ZFPM2: variants seen among roughly 807,000 people sequenced by gnomAD.
ZFPM2 encodes the protein zinc finger protein, FOG family member 2.
In ZFPM2, 20 loss-of-function variants were observed where a neutral mutation model predicts 98.6. That is an observed-to-expected ratio of 0.20 (90% CI 0.14 to 0.29). ZFPM2 has a LOEUF of 0.29. ZFPM2 is among the 10% of genes least tolerant of loss of function. ZFPM2 has a pLI of 1.00. For synonymous variants in ZFPM2, 518 were observed against 502.7 expected (o/e 1.03, Z -0.41); for missense variants, 1,310 against 1,388.6 (o/e 0.94, Z 0.90).
chr8:105,517,372 A>T (rs1813946461), intron 3 of ZFPM2, among the ~76,000 whole-genome samples: 1 of 152,196 alleles, frequency 6.6e-6, no homozygotes, highest in African/African-American at 2.4e-5. Context: ...AAAATTCTTT[A>T]AAGTTATTTT....
intron 2 of ZFPM2, among the ~76,000 whole-genome samples, chr8:105,431,062 C>T (rs976602229): frequency 1.3e-5 from 2 of 151,984 alleles, no homozygotes; most frequent in African/African-American, 4.8e-5. Context: ...CCCCACCATG[C>T]CTGGATAATT....
chr8:105,720,145 A>G (rs1811623604), intron 5 of ZFPM2, among the ~76,000 whole-genome samples: 1 of 151,858 alleles, frequency 6.6e-6, no homozygotes, highest in Non-Finnish European at 1.5e-5. Context: ...TGCGAATTTT[A>G]CTAACCAGCA....
intron 3 of ZFPM2, among the ~76,000 whole-genome samples, chr8:105,445,779 A>AT (rs1812356288): frequency 1.3e-5 from 2 of 150,578 alleles, no homozygotes; most frequent in Non-Finnish European, 3.0e-5. Flanking sequence ...TAATTTTTAT[A>AT]TTTTTTGTAG....
chr8:105,754,944 ATATGTGTG>A (rs1812563115), intron 5 of ZFPM2, among the ~76,000 whole-genome samples: 1 of 122,324 alleles, frequency 8.2e-6, no homozygotes, highest in African/African-American at 3.7e-5. Flanking sequence ...GAGAAATTTA[ATATGTGTG>A]TGTGTGTGTG....
Position 105,581,809 on chromosome 8 carries a change from A to G in ZFPM2, c.420+20328A>G, listed in dbSNP as rs7017432. 3.7e-3 allele frequency among the ~76,000 whole-genome samples: 563 copies of G among 152,316 alleles called. 1 individual carries two copies. Among genetic ancestry groups the G allele is most frequent in the Middle Eastern group, 0.024 (7 of 294 alleles). On this transcript the variant is annotated intron_variant, in intron 4 of 7. Coordinates refer to ENST00000407775, the MANE Select transcript of ZFPM2 (RefSeq NM_012082.4). ...TGTTTTATCTCACTCAAATTTATTTAGACCCCCATCAGCCCTGCTCTTTCT... is the reference window on the plus strand; with the variant it reads ...TGTTTTATCTCACTCAAATTTATTTGGACCCCCATCAGCCCTGCTCTTTCT...
intron 1 of ZFPM2, among the ~76,000 whole-genome samples, chr8:105,382,848 G>C (rs1213221695): frequency 6.6e-6 from 1 of 152,008 alleles, no homozygotes; most frequent in Non-Finnish European, 1.5e-5. Flanking sequence ...AAGTATTAAT[G>C]GATAATATTT....
chr8:105,376,610 C>A (rs1462454637), intron 1 of ZFPM2, among the ~76,000 whole-genome samples: 1 of 152,152 alleles, frequency 6.6e-6, no homozygotes, highest in Non-Finnish European at 1.5e-5. Context: ...TCATCTCAGC[C>A]AATTTCATCA....
chr8:105,444,410 T>C (rs753576779), intron 3 of ZFPM2, 29 bp downstream of exon 3: 2 of 1,519,350 alleles, frequency 1.3e-6, no homozygotes, highest in East Asian at 2.3e-5. Context: ...AATTCAACCG[T>C]CTTTAGTACT....
chr8:105,413,506 A>G (rs1811619482), intron 1 of ZFPM2, among the ~76,000 whole-genome samples: 1 of 98,906 alleles, frequency 1.0e-5, no homozygotes, highest in Admixed American at 1.3e-4. Context: ...ATATATATAT[A>G]TACACACACA....
At chr8:105,573,600 T>C (rs933901247) in intron 4 of ZFPM2, among the ~76,000 whole-genome samples, 4 of 152,196 alleles carry the variant, frequency 2.6e-5, no homozygotes, top group African/African-American at 9.6e-5. Context: ...ATATTTATGG[T>C]TTCTCACATC....
In ZFPM2 at chr8:105,787,763, A is replaced by G. The variant is rs1295919089; in HGVS notation, c.533-955A>G. ...AAAAAAAAGAGCTTTATAACATATC[A>G]AGTATGCTGCATTATTTCAGGCATA... On this transcript the variant is annotated intron_variant, in intron 5 of 7. Coordinates refer to ENST00000407775, the MANE Select transcript of ZFPM2 (RefSeq NM_012082.4). 2.6e-5 allele frequency among the ~76,000 whole-genome samples: 4 copies of G among 152,212 alleles called. No individual in the cohort carries two copies. In the East Asian group the frequency reaches 7.7e-4, roughly 29 times the overall value.
intron 3 of ZFPM2, 39 bp from the exon 4 acceptor site, chr8:105,561,321 TACA>T (rs1460439452): frequency 1.3e-6 from 2 of 1,499,600 alleles, no homozygotes; most frequent in South Asian, 2.3e-5. Flanking sequence ...GCTGATAAAG[TACA>T]AGTAAGTATT....
At chr8:105,713,233 G>C (rs534157169) in intron 5 of ZFPM2, among the ~76,000 whole-genome samples, 3 of 152,000 alleles carry the variant, frequency 2.0e-5, no homozygotes, top group Non-Finnish European at 4.4e-5. Context: ...ATTCTGACTG[G>C]TGTGAGATGC....
chr8:105,422,519 G>A (rs1811816947), intron 2 of ZFPM2, among the ~76,000 whole-genome samples: 2 of 152,140 alleles, frequency 1.3e-5, no homozygotes, highest in South Asian at 4.2e-4. Flanking sequence ...AATCATTTAT[G>A]ACAATTTAAA....
intron 6 of ZFPM2, among the ~76,000 whole-genome samples, chr8:105,790,171 C>A (rs1313003697): frequency 2.0e-5 from 3 of 151,200 alleles, no homozygotes; most frequent in South Asian, 2.1e-4. Flanking sequence ...ATGCCTATGT[C>A]CTGAATGGTA....
At position 105,489,454 on chromosome 8, in the gene ZFPM2, A is replaced by ATT. The variant is rs1563682409; in HGVS notation, c.301+45074_301+45075insTT. ...TATTTATAGATATATGTTTTTATATATATATATATATATTTTTTTTTTTTT... is the reference window on the plus strand; with the variant it reads ...TATTTATAGATATATGTTTTTATATATTTATATATATATATTTTTTTTTTTTT... On this transcript the variant is annotated intron_variant, in intron 3 of 7. Transcript: ENST00000407775. 2.9e-3 allele frequency among the ~76,000 whole-genome samples: 219 copies of ATT among 74,454 alleles called. 1 individual carries two copies. The highest frequency in any genetic ancestry group is 0.011 in the African/African-American group (212 of 18,920). The allele number at this position is 74,454 out of a possible 152,430, so 48.8% of individuals were successfully genotyped here. A position where few individuals can be genotyped will look rare whatever the true frequency, so the allele number is the denominator to read the frequency against.
chr8:105,561,429 G>C lies in ZFPM2; in HGVS notation c.368G>C (p.Gly123Ala). The C allele has an allele frequency of 6.2e-7, 1 of 1,613,480 alleles. No homozygotes were observed. Among genetic ancestry groups the C allele is most frequent in the East Asian group, 2.2e-5 (1 of 44,814 alleles). The change falls in exon 4 of 8, where the codon GGA (glycine) becomes GCA (alanine). Residue 123 changes from glycine to alanine, a missense_variant. Coordinates refer to ENST00000407775, the MANE Select transcript of ZFPM2 (RefSeq NM_012082.4). ...CAGAGTCGACAGCAACTTCCAGTGG[G>C]AACAACCTGGGGGCCGTTTCCTGGG... ...KIQSRQQLPVGTTWGPFPGKM... is the reference protein window; with the variant it reads ...KIQSRQQLPVATTWGPFPGKM...
intron 3 of ZFPM2, among the ~76,000 whole-genome samples, chr8:105,465,474 AT>A (rs1726839994): frequency 6.6e-6 from 1 of 151,962 alleles, no homozygotes; most frequent in Admixed American, 6.6e-5. Context: ...TAAAAATGAA[AT>A]TGTTTATTAT....
chr8:105,555,554 TATC>T (rs1814968068), intron 3 of ZFPM2, among the ~76,000 whole-genome samples: 1 of 152,140 alleles, frequency 6.6e-6, no homozygotes, highest in Non-Finnish European at 1.5e-5. Flanking sequence ...ATTTTTCAAA[TATC>T]ATGTGTCACA....
Sources: gnomAD v4.1 joint callset for allele counts (sites outside exome capture counted in the v4.1 genomes callset) on GRCh38, gnomAD v4.1.1 for gene constraint, MANE v1.5 for transcripts, NCBI Gene and HGNC (gene_info 2026-07-23, HGNC 2026-07-21) for gene names.